FLT1: variants seen among roughly 807,000 people sequenced by gnomAD.
The protein encoded by FLT1 is vascular endothelial growth factor receptor 1.
Under a neutral mutation model 156.3 loss-of-function variants are expected in FLT1, and 49 were observed. The ratio of observed to expected loss-of-function variants is 0.31; its 90% CI spans 0.25 to 0.40. The LOEUF is 0.40. Ranked by LOEUF, FLT1 falls within the 10% of genes least tolerant of loss-of-function variation. FLT1 has a pLI of 1.00. For synonymous variants in FLT1, 594 were observed against 583.8 expected (o/e 1.02, Z -0.25); for missense variants, 1,322 against 1,637.2 (o/e 0.81, Z 3.32).
chr13:28,473,698 A>AAAAGAAAGAAAG (rs1351953423), intron 1 of FLT1, among the ~76,000 whole-genome samples: 36 of 102,092 alleles, frequency 3.5e-4, no homozygotes, highest in South Asian at 9.9e-4. Flanking sequence ...AGAGAGAAAG[A>AAAAGAAAGAAAG]AAAGAAAGAA....
At chr13:28,331,022 G>A (rs968815010) in intron 18 of FLT1, among the ~76,000 whole-genome samples, 1 of 152,186 alleles carries the variant, frequency 6.6e-6, no homozygotes, top group Non-Finnish European at 1.5e-5. Flanking sequence ...TGGCCAGTGT[G>A]AGCCCATTCT....
chr13:28,447,848 A>C (rs927022673), intron 3 of FLT1, among the ~76,000 whole-genome samples: 15 of 150,712 alleles, frequency 1.0e-4, no homozygotes, highest in African/African-American at 3.6e-4. Flanking sequence ...TATCTCTAGA[A>C]CATATAAAAT....
chr13:28,376,214 C>T (rs1873833343), intron 14 of FLT1, among the ~76,000 whole-genome samples: 1 of 152,162 alleles, frequency 6.6e-6, no homozygotes, highest in South Asian at 2.1e-4. Context: ...GAAAGATGTC[C>T]TCTAACAGTT....
intron 28 of FLT1, among the ~76,000 whole-genome samples, chr13:28,307,944 TTG>T: frequency 6.6e-6 from 1 of 152,284 alleles, no homozygotes; most frequent in African/African-American, 2.4e-5. Flanking sequence ...GCTAATTTTT[TTG>T]TGTTTTTAGT....
chr13:28,457,149 G>C (rs1038166504), intron 3 of FLT1, among the ~76,000 whole-genome samples: 5 of 150,604 alleles, frequency 3.3e-5, no homozygotes, highest in African/African-American at 1.2e-4. Context: ...CTGTGAGCCT[G>C]AAACTGCTCT....
At chr13:28,341,619 G>T (rs1166627960) in intron 16 of FLT1, among the ~76,000 whole-genome samples, 5 of 152,172 alleles carry the variant, frequency 3.3e-5, no homozygotes, top group South Asian at 2.1e-4. Context: ...CTATAGTTAT[G>T]CAGGGTGAGG....
At chr13:28,419,297 A>C (rs933538511) in intron 10 of FLT1, among the ~76,000 whole-genome samples, 3 of 152,210 alleles carry the variant, frequency 2.0e-5, no homozygotes, top group Admixed American at 2.0e-4. Context: ...TTTAAGAAAC[A>C]ATCTACCAAG....
intron 13 of FLT1, chr13:28,389,452 A>G: frequency 7.6e-7 from 1 of 1,311,044 alleles, no homozygotes; most frequent in Non-Finnish European, 9.7e-7. Flanking sequence ...AGGAGAAAAC[A>G]GCAAGAGCAA....
At chr13:28,313,890 A>T (rs1279877163) in intron 25 of FLT1, among the ~76,000 whole-genome samples, 850 of 12,088 alleles carry the variant, frequency 0.07, 8 homozygotes, top group African/African-American at 0.13. Flanking sequence ...CAGGGAGGTA[A>T]AAAAAAAAAA....
chr13:28,403,905 G>C (rs1467410537), intron 11 of FLT1, among the ~76,000 whole-genome samples: 1 of 152,124 alleles, frequency 6.6e-6, no homozygotes, highest in East Asian at 1.9e-4. Flanking sequence ...AGCCAGGAGT[G>C]ATGGCGTGTG....
At chr13:28,307,021 G>A (rs9508014) in intron 28 of FLT1, among the ~76,000 whole-genome samples, 142,992 of 152,310 alleles carry the variant, frequency 0.94, 67,794 homozygotes, top group East Asian at 1. Flanking sequence ...GGCAAAAGGG[G>A]AAATGGCAAG....
intron 11 of FLT1, among the ~76,000 whole-genome samples, chr13:28,405,064 C>G (rs1214620937): frequency 6.6e-6 from 1 of 151,572 alleles, no homozygotes; most frequent in Non-Finnish European, 1.5e-5. Context: ...TATCCCTGTG[C>G]CAGACAATAG....
At chr13:28,445,046 T>C (rs1317422849) in intron 3 of FLT1, among the ~76,000 whole-genome samples, 1 of 152,098 alleles carries the variant, frequency 6.6e-6, no homozygotes, top group Admixed American at 6.5e-5. Flanking sequence ...TTAAAGAGAA[T>C]GCAAAACAAC....
Position 28,300,512 on chromosome 13 carries a change from CACAT to C in FLT1, c.*2651_*2654del, listed in dbSNP as rs922644966. 7 of 166,488 alleles carry C rather than the reference CACAT, an allele frequency of 4.2e-5. No individual in the cohort carries two copies. Among genetic ancestry groups the C allele is most frequent in the South Asian group, 3.9e-4 (1 of 2,560 alleles). The allele number at this position is 166,488 out of a possible 1,614,324, so 10.3% of individuals were successfully genotyped here. ...TCCTTAAATAGTTATGCACAAAACACACATACACCCACACACACACACACACACA... is the reference window on the plus strand; with the variant it reads ...TCCTTAAATAGTTATGCACAAAACACACACCCACACACACACACACACACA... On this transcript the variant is annotated 3_prime_UTR_variant, in exon 30 of 30. Coordinates refer to ENST00000282397, the MANE Select transcript of FLT1 (RefSeq NM_002019.4).
rs1189698988 is a variant in FLT1 at position 28,329,712 on chromosome 13, G to T, written c.2610C>A (p.Ser870Arg). The change falls in exon 19 of 30, where the codon AGC becomes AGA. Residue 870 changes from serine (S) to arginine (R), a missense_variant. By Grantham distance (110) the Ser-to-Arg change is moderately radical. Around this residue, in one of 3 missense-constraint regions of FLT1, gnomAD observed 991 missense variants for 1,254.8 expected, o/e 0.79. Coordinates refer to ENST00000282397, the MANE Select transcript of FLT1 (RefSeq NM_002019.4). ...GCTCAGTCATCAGAGCTTTGTACTC[G>T]CTGGCCGTGGCCCCCTCTGTGTGAG... ...VKMLKEGATA[S>R]EYKALMTELK... 3.1e-6 allele frequency: 5 copies of T among 1,613,754 alleles called. No individual in the cohort carries two copies. The highest frequency in any genetic ancestry group is 1.7e-5 in the Admixed American group (1 of 60,004).
chr13:28,327,754 T>TAAAAAAAAAAAAAA (rs1566288226), intron 19 of FLT1, among the ~76,000 whole-genome samples: 9 of 20,384 alleles, frequency 4.4e-4, no homozygotes, highest in African/African-American at 1.8e-3. Context: ...ACAATTGAAA[T>TAAAAAAAAAAAAAA]ACAAAAAAAA....
chr13:28,417,508 A>G (rs1381440544), intron 10 of FLT1, among the ~76,000 whole-genome samples: 1 of 152,144 alleles, frequency 6.6e-6, no homozygotes, highest in Non-Finnish European at 1.5e-5. Context: ...ATACAGTGTT[A>G]TGGTGGAAAT....
At chr13:28,312,220 G>A in intron 25 of FLT1, 122 bp from the exon 26 acceptor site, 1 of 726,096 alleles carries the variant, frequency 1.4e-6, no homozygotes, top group Admixed American at 2.0e-5. Context: ...TGTACTATGT[G>A]ACCCTGCTTC....
intron 10 of FLT1, among the ~76,000 whole-genome samples, chr13:28,408,637 G>C (rs1476990138): frequency 3.3e-5 from 5 of 152,110 alleles, no homozygotes; most frequent in Non-Finnish European, 5.9e-5. Flanking sequence ...TCTTGAGGGG[G>C]GAGGAAGCCG....
Sources: allele counts gnomAD v4.1 joint callset (sites outside exome capture counted in the v4.1 genomes callset), GRCh38; gene constraint gnomAD v4.1.1; regional missense constraint gnomAD v4.1.1; transcripts MANE v1.5; gene names NCBI Gene and HGNC (gene_info 2026-07-23, HGNC 2026-07-21).